Variants in SORCS3 observed in about 807,000 individuals in gnomAD.
SORCS3 encodes the protein sortilin related VPS10 domain containing receptor 3.
Under a neutral mutation model 146.3 loss-of-function variants are expected in SORCS3, and 57 were observed. That is an observed-to-expected ratio of 0.39 (90% CI 0.31 to 0.49). The LOEUF (loss-of-function observed/expected upper bound fraction) is 0.49. Among genes scored for constraint, SORCS3 ranks in the 20% least tolerant of loss-of-function variants. The probability of loss-of-function intolerance (pLI) is 0.92; values close to 1 mark genes in which losing one functional copy is unlikely to be tolerated. For synonymous variants in SORCS3, 653 were observed against 618.5 expected (o/e 1.06, Z -0.83); for missense variants, 1,341 against 1,575.5 (o/e 0.85, Z 2.52).
intron 1 of SORCS3, among the ~76,000 whole-genome samples, chr10:104,788,230 G>T (rs915347352): frequency 3.3e-5 from 5 of 152,150 alleles, no homozygotes; most frequent in African/African-American, 1.2e-4. Context: ...GAGCCAAAAG[G>T]CCATTTATTG....
At chr10:104,736,134 G>T (rs1356313889) in intron 1 of SORCS3, among the ~76,000 whole-genome samples, 1 of 152,112 alleles carries the variant, frequency 6.6e-6, no homozygotes, top group Non-Finnish European at 1.5e-5. Context: ...CTTCTTAATT[G>T]TCCTCCTGCG....
At chr10:104,927,923 A>G (rs1216904018) in intron 3 of SORCS3, among the ~76,000 whole-genome samples, 1 of 151,922 alleles carries the variant, frequency 6.6e-6, no homozygotes, top group Admixed American at 6.6e-5. Flanking sequence ...AGAAGAGTGA[A>G]TGCAGCACCA....
chr10:105,047,832 T>C (rs1030572659), intron 5 of SORCS3, among the ~76,000 whole-genome samples: 10 of 152,002 alleles, frequency 6.6e-5, no homozygotes, highest in African/African-American at 2.4e-4. Context: ...AGAAAGGCCA[T>C]GAGGGAAGGG....
chr10:105,037,639 C>T (rs1564739830), intron 4 of SORCS3, among the ~76,000 whole-genome samples: 1 of 152,180 alleles, frequency 6.6e-6, no homozygotes, highest in Non-Finnish European at 1.5e-5. Flanking sequence ...TATGAGCCTA[C>T]ATTTCTCCTT....
At chr10:104,725,467 G>C (rs1412103334) in intron 1 of SORCS3, among the ~76,000 whole-genome samples, 2 of 152,210 alleles carry the variant, frequency 1.3e-5, no homozygotes, top group African/African-American at 4.8e-5. Flanking sequence ...CAGATCTCCA[G>C]CTGCATGCTG....
At chr10:104,794,971 C>A (rs984384885) in intron 1 of SORCS3, among the ~76,000 whole-genome samples, 3 of 152,126 alleles carry the variant, frequency 2.0e-5, no homozygotes, top group Admixed American at 2.0e-4. Flanking sequence ...GAGCTGGTCT[C>A]TTTAGCATTC....
chr10:105,229,741 AG>A (rs1161487061), intron 20 of SORCS3, among the ~76,000 whole-genome samples: 1 of 152,154 alleles, frequency 6.6e-6, no homozygotes, highest in African/African-American at 2.4e-5. Flanking sequence ...GTCCTAGGGT[AG>A]CAGCAGTGGG....
At position 105,158,391 on chromosome 10, in the gene SORCS3, T is replaced by A. The variant is rs575297442; in HGVS notation, c.1630-501T>A. On this transcript the variant is annotated intron_variant, in intron 10 of 26. Coordinates refer to ENST00000369701, the MANE Select transcript of SORCS3 (RefSeq NM_014978.3). The stretch of plus-strand genomic sequence containing the variant: ...TGGCTTCAAATATTTTAAGTAAAAT[T>A]ATAAGTAAGAACAAAATATATAAAA... 4.6e-5 allele frequency among the ~76,000 whole-genome samples: 7 copies of A among 152,274 alleles called. No homozygotes were observed. In the South Asian group the frequency reaches 1.4e-3, roughly 32 times the overall value.
intron 3 of SORCS3, among the ~76,000 whole-genome samples, chr10:104,964,110 G>A (rs775990920): frequency 6.6e-5 from 10 of 151,918 alleles, no homozygotes; most frequent in Non-Finnish European, 1.2e-4. Flanking sequence ...TGCTCTATTC[G>A]ACATGGTAGC....
chr10:105,012,212 T>C (rs1181667707), intron 4 of SORCS3, among the ~76,000 whole-genome samples: 1 of 152,216 alleles, frequency 6.6e-6, no homozygotes, highest in African/African-American at 2.4e-5. Context: ...CAAAAGCTTC[T>C]GTCTCCCTAG....
intron 1 of SORCS3, among the ~76,000 whole-genome samples, chr10:104,745,075 A>T (rs1196336028): frequency 6.6e-6 from 1 of 152,236 alleles, no homozygotes; most frequent in Non-Finnish European, 1.5e-5. Flanking sequence ...TAAACATAAC[A>T]ATTAGTTGAG....
At chr10:105,088,782 A>G (rs561675345) in intron 5 of SORCS3, among the ~76,000 whole-genome samples, 3 of 152,210 alleles carry the variant, frequency 2.0e-5, no homozygotes, top group East Asian at 1.9e-4. Flanking sequence ...TAAGTTTTCC[A>G]TTTCTCTTGC....
At chr10:104,997,613 T>C (rs2055035028) in intron 4 of SORCS3, among the ~76,000 whole-genome samples, 2 of 152,136 alleles carry the variant, frequency 1.3e-5, no homozygotes, top group African/African-American at 4.8e-5. Flanking sequence ...ATATGTGCTT[T>C]TTGTTTTCTT....
intron 1 of SORCS3, among the ~76,000 whole-genome samples, chr10:104,671,354 C>T (rs1337325221): frequency 5.6e-4 from 5 of 9,000 alleles, no homozygotes; most frequent in South Asian, 7.2e-3. Context: ...TTTTTTTTTG[C>T]GACAGAGTCT....
chr10:104,922,048 CT>C (rs1267997763), intron 3 of SORCS3, among the ~76,000 whole-genome samples: 89 of 152,348 alleles, frequency 5.8e-4, no homozygotes, highest in African/African-American at 2.0e-3. Flanking sequence ...TTTTGTCAAG[CT>C]GTTCGAGAGG....
At chr10:104,845,754 T>G (rs777904996) in intron 2 of SORCS3, among the ~76,000 whole-genome samples, 4 of 152,172 alleles carry the variant, frequency 2.6e-5, no homozygotes, top group African/African-American at 4.8e-5. Context: ...AATTTCTGTC[T>G]AGTCAAAGAT....
chr10:104,967,628 C>T (rs1401502178), intron 3 of SORCS3, among the ~76,000 whole-genome samples: 2 of 152,058 alleles, frequency 1.3e-5, no homozygotes, highest in Non-Finnish European at 2.9e-5. Context: ...TTGTCTCCAA[C>T]CTGCTTGGCA....
chr10:104,915,893 C>T lies in SORCS3; in HGVS notation c.756C>T (p.Val252=), dbSNP rs745635457. The change falls in exon 3 of 27, where the codon GTC becomes GTT. Residue 252 remains valine (V), a synonymous_variant. Coordinates refer to ENST00000369701, the MANE Select transcript of SORCS3 (RefSeq NM_014978.3). ...ATGACAAAGTGGGTTTGAAGACTGT[C>T]CTCAGTTACCTCTATGTCAATCCAA... The part of the protein sequence containing the change: ...KLNDKVGLKT[V]LSYLYVNPTN... The T allele has an allele frequency of 1.2e-6, 2 of 1,613,888 alleles. No homozygotes were observed. The highest frequency in any genetic ancestry group is 1.7e-6 in the Non-Finnish European group (2 of 1,179,988).
intron 16 of SORCS3, among the ~76,000 whole-genome samples, chr10:105,210,315 A>G (rs1266579644): frequency 6.6e-6 from 1 of 152,198 alleles, no homozygotes; most frequent in Non-Finnish European, 1.5e-5. Flanking sequence ...GGTTTCAGAA[A>G]ACCCTAAGAT....
Sources: allele counts gnomAD v4.1 joint callset (sites outside exome capture counted in the v4.1 genomes callset), GRCh38; gene constraint gnomAD v4.1.1; transcripts MANE v1.5; gene names NCBI Gene and HGNC (gene_info 2026-07-23, HGNC 2026-07-21).